The following ABHD2 variants were observed in gnomAD, a reference collection of about 807,000 sequenced individuals.
ABHD2 encodes the protein abhydrolase domain containing 2, acylglycerol lipase, also known as monoacylglycerol lipase ABHD2.
A neutral mutation model predicts 48.1 loss-of-function variants in ABHD2; 20 were observed. That is an observed-to-expected ratio of 0.42 (90% CI 0.29 to 0.60). The LOEUF is 0.60. Among genes scored for constraint, ABHD2 ranks in the 20% least tolerant of loss-of-function variants. The pLI, the probability that ABHD2 is intolerant of heterozygous loss-of-function variation, is 0.24. For synonymous variants in ABHD2, 209 were observed against 214.2 expected (o/e 0.98, Z 0.21); for missense variants, 405 against 550.9 (o/e 0.74, Z 2.65).
intron 8 of ABHD2, among the ~76,000 whole-genome samples, chr15:89,190,342 A>G: frequency 6.6e-6 from 1 of 152,230 alleles, no homozygotes; most frequent in East Asian, 1.9e-4. Context: ...ATTCATGCTG[A>G]GCACTGAAGG....
At chr15:89,070,647 A>C in the ABHD2 span, among the ~76,000 whole-genome samples, 3 of 152,194 alleles carry the variant, frequency 2.0e-5, no homozygotes, top group African/African-American at 7.2e-5. Flanking sequence ...ATTATTTAGA[A>C]AGGAAAGAAT....
the ABHD2 span, among the ~76,000 whole-genome samples, chr15:89,079,152 T>G: frequency 6.6e-6 from 1 of 152,248 alleles, no homozygotes; most frequent in Non-Finnish European, 1.5e-5. The surrounding 1 kb of genome is among the most constrained non-coding windows in gnomAD (Gnocchi z 4.3). Flanking sequence ...TGTGTTTACA[T>G]ATTTTATGTA....
the ABHD2 span, among the ~76,000 whole-genome samples, chr15:89,046,943 T>C: frequency 1.3e-5 from 2 of 152,076 alleles, no homozygotes; most frequent in East Asian, 3.8e-4. Context: ...TGCTAGCTTT[T>C]GAATGTGTTT....
At chr15:89,057,146 T>C in the ABHD2 span, among the ~76,000 whole-genome samples, 1 of 152,054 alleles carries the variant, frequency 6.6e-6, no homozygotes, top group African/African-American at 2.4e-5. Flanking sequence ...ACTCCTGACC[T>C]CAGGTGATCC....
chr15:89,199,942 G>C lies in ABHD2; in HGVS notation c.*4519G>C, dbSNP rs980688255. The C allele has an allele frequency of 6.6e-6, 1 of 152,566 alleles. No individual in the cohort carries two copies. Among genetic ancestry groups the C allele is most frequent in the Non-Finnish European group, 1.5e-5 (1 of 68,034 alleles). 9.5% of individuals were successfully genotyped at this position (152,566 alleles called of 1,614,324 possible). A position where few individuals can be genotyped will look rare whatever the true frequency, so the allele number is the denominator to read the frequency against. On this transcript the variant is annotated 3_prime_UTR_variant, in exon 11 of 11. Transcript: ENST00000352732. This position sits in a 1 kb window ranked among gnomAD's most constrained non-coding sequence, Gnocchi z 4.1. ...GAACTGGAATGCCACACAAGGCAAGGCCTGCTTCCTTCCTTCCCCTCTGCT... is the reference window on the plus strand; with the variant it reads ...GAACTGGAATGCCACACAAGGCAAGCCCTGCTTCCTTCCTTCCCCTCTGCT...
chr15:89,052,655 C>T, the ABHD2 span, among the ~76,000 whole-genome samples: 11 of 152,014 alleles, frequency 7.2e-5, no homozygotes, highest in Admixed American at 5.9e-4. Context: ...CCAAGGAGCT[C>T]GAAAGATTGC....
At position 89,188,993 on chromosome 15, in the gene ABHD2, G is replaced by C. The variant is rs2051260446; in HGVS notation, c.926+690G>C. Among the ~76,000 whole-genome samples the C allele has an allele frequency of 6.6e-6, 1 of 152,090 alleles. No homozygotes were observed. The highest frequency in any genetic ancestry group is 1.5e-5 in the Non-Finnish European group (1 of 68,022). ...TTGGGGCATGGTGACTCCACTCTGA[G>C]TGTGAGACACAAATACTGCCCACTT... On this transcript the variant is annotated intron_variant, in intron 8 of 10. Transcript: ENST00000352732. The surrounding 1 kb of genome is among the most constrained non-coding windows in gnomAD (Gnocchi z 4.1).
chr15:89,044,942 C>A, the ABHD2 span, among the ~76,000 whole-genome samples: 1 of 150,498 alleles, frequency 6.6e-6, no homozygotes, highest in South Asian at 2.1e-4. Context: ...GCTTTTGTTG[C>A]CATTGCTTTT....
chr15:89,153,887 T>G (rs192988570), intron 4 of ABHD2, among the ~76,000 whole-genome samples: 18 of 152,364 alleles, frequency 1.2e-4, no homozygotes, highest in Admixed American at 2.6e-4. Context: ...ATTAAAACTC[T>G]AAAAGTCTTC....
chr15:89,075,915 GT>G, the ABHD2 span, among the ~76,000 whole-genome samples: 1 of 152,242 alleles, frequency 6.6e-6, no homozygotes, highest in African/African-American at 2.4e-5. This position sits in a 1 kb window ranked among gnomAD's most constrained non-coding sequence, Gnocchi z 4.1. Context: ...AAGATGTCAA[GT>G]AAAGAAGAAC....
intron 5 of ABHD2, among the ~76,000 whole-genome samples, chr15:89,159,342 A>C (rs781771473): frequency 4.0e-4 from 61 of 152,266 alleles, no homozygotes; most frequent in Middle Eastern, 3.4e-3. Context: ...ACACCACTGC[A>C]CTTCAGCCTG....
At position 89,110,118 on chromosome 15, in the gene ABHD2, C is replaced by G. The variant is rs1596071813; in HGVS notation, c.-106-3607C>G. Among the ~76,000 whole-genome samples, 4 of 152,190 alleles carry G rather than the reference C, an allele frequency of 2.6e-5. No homozygotes were observed. The South Asian group carries it at 8.3e-4, about 32-fold the overall frequency. On this transcript the variant is annotated intron_variant, in intron 1 of 10. Coordinates refer to ENST00000352732, the MANE Select transcript of ABHD2 (RefSeq NM_152924.5). Reference sequence around the variant, plus strand: ...TTATTTTTTAAGACGGACTCTCACTCTGTTGCCCAGGCTGGAGTGTGGTAG... The same window carrying G: ...TTATTTTTTAAGACGGACTCTCACTGTGTTGCCCAGGCTGGAGTGTGGTAG...
intron 1 of ABHD2, among the ~76,000 whole-genome samples, chr15:89,103,643 A>G (rs907626714): frequency 2.0e-5 from 3 of 152,198 alleles, no homozygotes; most frequent in Non-Finnish European, 4.4e-5. Flanking sequence ...TAAGGGTTGG[A>G]ATAACTCCAG....
chr15:89,072,061 C>T, the ABHD2 span, among the ~76,000 whole-genome samples: 1 of 152,206 alleles, frequency 6.6e-6, no homozygotes. Context: ...TCATGTCACA[C>T]TTTTATTTTT....
chr15:89,172,280 AC>A (rs1217774670), intron 5 of ABHD2, among the ~76,000 whole-genome samples: 1 of 152,198 alleles, frequency 6.6e-6, no homozygotes, highest in Non-Finnish European at 1.5e-5. Context: ...TACCCATTAA[AC>A]AACAACTCCC....
rs567727668 is a variant in ABHD2 at position 89,151,065 on chromosome 15, C to A, written c.195-612C>A. On this transcript the variant is annotated intron_variant, in intron 3 of 10. Transcript: ENST00000352732. The surrounding 1 kb of genome is among the most constrained non-coding windows in gnomAD (Gnocchi z 4.7). Reference sequence around the variant, plus strand: ...CTTGCGTAGGCTAACAAGCCTTTATCCTTAATCAATCCAACAAATATTTAC... The same window carrying A: ...CTTGCGTAGGCTAACAAGCCTTTATACTTAATCAATCCAACAAATATTTAC... Among the ~76,000 whole-genome samples the A allele has an allele frequency of 7.9e-5, 12 of 152,352 alleles. No individual in the cohort carries two copies. Among genetic ancestry groups the A allele is most frequent in the South Asian group, 4.1e-4 (2 of 4,826 alleles).
intron 3 of ABHD2, among the ~76,000 whole-genome samples, chr15:89,144,057 T>C (rs2050451800): frequency 6.6e-6 from 1 of 152,180 alleles, no homozygotes. Context: ...TGAAAACAGA[T>C]GTTCAAACAA....
intron 3 of ABHD2, among the ~76,000 whole-genome samples, chr15:89,150,603 T>C (rs1311036042): frequency 6.6e-6 from 1 of 152,232 alleles, no homozygotes. Flanking sequence ...TCTCTTAACT[T>C]TGTGTAGATT....
In ABHD2 at chr15:89,177,624, C is replaced by A. The variant is rs1436988671; in HGVS notation, c.722+1629C>A. ...TCGCGTTCCAGGACCAGGCTAGTCC[C>A]CCATCTTCCTACCAGGAATCTTTTC... On this transcript the variant is annotated intron_variant, in intron 6 of 10. Coordinates refer to ENST00000352732, the MANE Select transcript of ABHD2 (RefSeq NM_152924.5). The surrounding 1 kb of genome is among the most constrained non-coding windows in gnomAD (Gnocchi z 5.6). Among the ~76,000 whole-genome samples, 2 of 152,160 alleles carry A rather than the reference C, an allele frequency of 1.3e-5. No homozygotes were observed. The highest frequency in any genetic ancestry group is 4.8e-5 in the African/African-American group (2 of 41,420).
Sources: gnomAD v4.1 joint callset for allele counts (sites outside exome capture counted in the v4.1 genomes callset) on GRCh38, gnomAD v4.1.1 for gene constraint, Gnocchi (gnomAD v3.1) non-coding constraint, MANE v1.5 for transcripts, NCBI Gene and HGNC (gene_info 2026-07-23, HGNC 2026-07-21) for gene names.